The following DHRSX variants were observed in gnomAD, a reference collection of about 807,000 sequenced individuals.
DHRSX encodes polyprenol dehydrogenase.
In DHRSX, 31 loss-of-function variants were observed where a neutral mutation model predicts 34.0. That is an observed-to-expected ratio of 0.91 (90% CI 0.69 to 1.23). The LOEUF (loss-of-function observed/expected upper bound fraction) is 1.23. DHRSX is among the 50% of genes most tolerant of loss of function. The pLI is 0.00. For synonymous variants in DHRSX, 201 were observed against 183.8 expected, an observed-to-expected ratio of 1.09 and a Z score of -0.76; for missense variants, 414 against 428.1, an observed-to-expected ratio of 0.97 and a Z score of 0.29.
At chrX:2,482,998 AC>A in intron 1 of DHRSX, among the ~76,000 whole-genome samples, 1 of 152,196 alleles carries the variant, frequency 6.6e-6, no homozygotes, top group East Asian at 1.9e-4. Flanking sequence ...AAGATAACGC[AC>A]AACCTACTAG....
At chrX:2,489,211 G>A in intron 1 of DHRSX, 1 of 1,613,788 alleles carries the variant, frequency 6.2e-7, no homozygotes, top group Non-Finnish European at 8.5e-7. Flanking sequence ...TGTCCAGCAG[G>A]CCCTTGGCCT....
chrX:2,297,188 T>G (rs1286958860), intron 3 of DHRSX, among the ~76,000 whole-genome samples: 1 of 152,192 alleles, frequency 6.6e-6, no homozygotes, highest in Non-Finnish European at 1.5e-5. Flanking sequence ...AAAGGTGTGA[T>G]CTGGGCTCAC....
At chrX:2,269,553 T>G (rs2041521514) in intron 4 of DHRSX, among the ~76,000 whole-genome samples, 1 of 152,216 alleles carries the variant, frequency 6.6e-6, no homozygotes, top group Non-Finnish European at 1.5e-5. Context: ...ATTTATTTTT[T>G]GAGGAGGAGT....
In DHRSX at chrX:2,220,932, TGTGGGCAG is replaced by T. The variant is rs2015505542; in HGVS notation, c.*101_*108del. 1 of 1,043,834 alleles carries T rather than the reference TGTGGGCAG, an allele frequency of 9.6e-7. No individual in the cohort carries two copies. The allele number at this position is 1,043,834 out of a possible 1,614,324, so 64.7% of individuals were successfully genotyped here. The stretch of plus-strand genomic sequence containing the variant: ...GTCTCAAAACTAGAGGACAGAGCCC[TGTGGGCAG>T]GTGGGTGTGAGAAACTCAAACACCG... On this transcript the variant is annotated 3_prime_UTR_variant, in exon 7 of 7. Coordinates refer to ENST00000334651, the MANE Select transcript of DHRSX (RefSeq NM_145177.3).
intron 3 of DHRSX, among the ~76,000 whole-genome samples, chrX:2,330,014 T>A (rs1192908119): frequency 7.2e-5 from 10 of 138,060 alleles, no homozygotes; most frequent in African/African-American, 2.7e-4. Flanking sequence ...AGCACTGCGA[T>A]TCCAAAAATT....
At chrX:2,343,933 A>G (rs1272242798) in intron 3 of DHRSX, among the ~76,000 whole-genome samples, 2 of 152,222 alleles carry the variant, frequency 1.3e-5, no homozygotes, top group Non-Finnish European at 2.9e-5. Flanking sequence ...TGCTGCCGGC[A>G]CACAGGCTCC....
chrX:2,282,579 G>A (rs1602863358), intron 4 of DHRSX, among the ~76,000 whole-genome samples: 1 of 141,070 alleles, frequency 7.1e-6, no homozygotes, highest in African/African-American at 2.6e-5. Flanking sequence ...AAACAGAAAG[G>A]GAGAGAGAGA....
Position 2,219,747 on chromosome X carries a change from C to T in DHRSX, c.*1294G>A, listed in dbSNP as rs2015484075. ...TTAGTGGAATGGATAATAAGCCAAC[C>T]AATGGTCATCAGTCTCACACATAAG... On this transcript the variant is annotated 3_prime_UTR_variant, in exon 7 of 7. Transcript: ENST00000334651. The T allele has an allele frequency of 6.6e-6, 1 of 152,144 alleles. No individual in the cohort carries two copies. The highest frequency in any genetic ancestry group is 2.4e-5 in the African/African-American group (1 of 41,434). The allele number at this position is 152,144 out of a possible 1,614,324, so 9.4% of individuals were successfully genotyped here.
chrX:2,308,264 T>C (rs906484818), intron 3 of DHRSX, among the ~76,000 whole-genome samples: 2 of 151,784 alleles, frequency 1.3e-5, no homozygotes, highest in African/African-American at 4.9e-5. Context: ...CTGGTCATGA[T>C]ATAAAGCCAA....
At chrX:2,441,001 C>T (rs55686016) in intron 1 of DHRSX, among the ~76,000 whole-genome samples, 19,364 of 152,126 alleles carry the variant, frequency 0.13, 1,644 homozygotes, top group Non-Finnish European at 0.19. Flanking sequence ...CTACAGACGA[C>T]GCAGACGGCA....
chrX:2,313,153 C>T lies in DHRSX; in HGVS notation c.287-21550G>A, dbSNP rs1288814977. ...AAGTAGCTGGAATTACAGGCACTTG[C>T]CACCACACCTGGGTAATTTTTTGTA... On this transcript the variant is annotated intron_variant, in intron 3 of 6. Coordinates refer to ENST00000334651, the MANE Select transcript of DHRSX (RefSeq NM_145177.3). Among the ~76,000 whole-genome samples the T allele has an allele frequency of 4.0e-5, 6 of 151,092 alleles. No individual in the cohort carries two copies. In the East Asian group the frequency reaches 9.8e-4, roughly 25 times the overall value.
intron 3 of DHRSX, among the ~76,000 whole-genome samples, chrX:2,312,112 T>C (rs2042171512): frequency 6.6e-6 from 1 of 152,018 alleles, no homozygotes; most frequent in South Asian, 2.1e-4. Context: ...AAGAGAAAGC[T>C]TGAGGAACTG....
chrX:2,370,870 T>C (rs1032169572), intron 3 of DHRSX, among the ~76,000 whole-genome samples: 1 of 152,126 alleles, frequency 6.6e-6, no homozygotes, highest in African/African-American at 2.4e-5. Flanking sequence ...CTGCTCAAAA[T>C]TAGCTATGCA....
At chrX:2,446,623 A>C (rs1329168607) in intron 1 of DHRSX, among the ~76,000 whole-genome samples, 1 of 151,006 alleles carries the variant, frequency 6.6e-6, no homozygotes, top group Non-Finnish European at 1.5e-5. Context: ...TTCCCTAAGC[A>C]TGGGCTAAGG....
intron 3 of DHRSX, among the ~76,000 whole-genome samples, chrX:2,324,760 TTTTCTTTTC>T (rs1929487044): frequency 6.8e-6 from 1 of 147,948 alleles, no homozygotes; most frequent in African/African-American, 2.6e-5. Context: ...GGCAAGGCTT[TTTTCTTTTC>T]TTTTTTTTTT....
intron 3 of DHRSX, among the ~76,000 whole-genome samples, chrX:2,302,503 T>C (rs2042024261): frequency 6.6e-6 from 1 of 152,056 alleles, no homozygotes; most frequent in Non-Finnish European, 1.5e-5. Context: ...TCCCAGCTAC[T>C]TGGATGGCTG....
chrX:2,443,606 G>C (rs2044089530), intron 1 of DHRSX, among the ~76,000 whole-genome samples: 1 of 152,054 alleles, frequency 6.6e-6, no homozygotes, highest in Non-Finnish European at 1.5e-5. Flanking sequence ...TTTTTAACTT[G>C]TATCACATGC....
intron 6 of DHRSX, among the ~76,000 whole-genome samples, chrX:2,225,755 G>A (rs182469121): frequency 0.01 from 1,322 of 127,274 alleles, 21 homozygotes; most frequent in African/African-American, 0.038. Flanking sequence ...AAAAGACGGC[G>A]TCTCCAAGCC....
rs2045108542 is a variant in DHRSX, at chrX:2,490,522, G to A, written c.109+10295C>T. On this transcript the variant is annotated intron_variant, in intron 1 of 6. Transcript: ENST00000334651. ...ATTCCTCGGGGTGGTTCTTCTCCAG[G>A]TGGTAGGACAGGTTGGAGGTGTTTC... The A allele has an allele frequency of 1.9e-6, 3 of 1,613,990 alleles. No homozygotes were observed. In the East Asian group the frequency reaches 6.7e-5, roughly 36 times the overall value.
Sources: gnomAD v4.1 joint callset for allele counts (sites outside exome capture counted in the v4.1 genomes callset) on GRCh38, gnomAD v4.1.1 for gene constraint, MANE v1.5 for transcripts, NCBI Gene and HGNC (gene_info 2026-07-23, HGNC 2026-07-21) for gene names.